TTC21B: variants seen among roughly 807,000 people sequenced by gnomAD.
TTC21B encodes the protein tetratricopeptide repeat domain 21B.
In TTC21B, 127 loss-of-function variants were observed where a neutral mutation model predicts 175.1. The observed-to-expected ratio is 0.73, with a 90% CI of 0.63 to 0.84. The LOEUF is 0.84. Among genes scored for constraint, TTC21B ranks in the 40% least tolerant of loss-of-function variants. The pLI is 0.00. For missense variants in TTC21B, 1,561 were observed against 1,558.3 expected, an observed-to-expected ratio of 1.00 and a Z score of -0.03; for synonymous variants, 524 against 524.5, an observed-to-expected ratio of 1.00 and a Z score of 0.01.
At chr2:165,886,068 T>C (rs557490775) in intron 25 of TTC21B, among the ~76,000 whole-genome samples, 119 of 152,322 alleles carry the variant, frequency 7.8e-4, no homozygotes, top group Non-Finnish European at 1.3e-3. Flanking sequence ...TCCCTCTGAA[T>C]GACAAATAGG....
chr2:165,952,257 AT>A (rs141518686), intron 1 of TTC21B, among the ~76,000 whole-genome samples: 23,889 of 152,206 alleles, frequency 0.16, 2,249 homozygotes, highest in East Asian at 0.27. Flanking sequence ...AAAAAGAAAT[AT>A]TTCATAACAT....
intron 22 of TTC21B, among the ~76,000 whole-genome samples, chr2:165,895,411 A>G (rs1265249752): frequency 6.6e-6 from 1 of 152,192 alleles, no homozygotes; most frequent in East Asian, 1.9e-4. Flanking sequence ...ATCTTAGAAA[A>G]CTATAATGTG....
intron 7 of TTC21B, among the ~76,000 whole-genome samples, chr2:165,932,067 GTTTC>G (rs1465651202): frequency 7.2e-5 from 11 of 152,172 alleles, no homozygotes; most frequent in South Asian, 6.2e-4. Flanking sequence ...TTTAGAATGT[GTTTC>G]TTTAATACTT....
chr2:165,900,896 TTTC>T (rs1685537242), intron 20 of TTC21B, among the ~76,000 whole-genome samples: 1 of 150,792 alleles, frequency 6.6e-6, no homozygotes, highest in Admixed American at 6.6e-5. Flanking sequence ...AATGTTCTTT[TTTC>T]TTTTCTTTTT....
intron 6 of TTC21B, among the ~76,000 whole-genome samples, chr2:165,940,384 C>T: frequency 6.6e-6 from 1 of 152,120 alleles, no homozygotes; most frequent in East Asian, 1.9e-4. Context: ...AGAAGAAAAC[C>T]CCAAATCCTT....
chr2:165,896,734 G>C (rs1013288744), intron 22 of TTC21B, among the ~76,000 whole-genome samples: 1 of 152,176 alleles, frequency 6.6e-6, no homozygotes, highest in Non-Finnish European at 1.5e-5. Flanking sequence ...GGCTGTAATT[G>C]GCTTGGGCTT....
chr2:165,927,615 T>C (rs1686727519), intron 11 of TTC21B, among the ~76,000 whole-genome samples: 1 of 151,430 alleles, frequency 6.6e-6, no homozygotes, highest in Non-Finnish European at 1.5e-5. Flanking sequence ...GAGTGCTAGG[T>C]ACTCTATAAA....
intron 22 of TTC21B, among the ~76,000 whole-genome samples, chr2:165,895,972 G>C (rs1389597226): frequency 6.6e-6 from 1 of 151,974 alleles, no homozygotes; most frequent in Non-Finnish European, 1.5e-5. Context: ...TTTTGTGCTC[G>C]CTGGGGATAT....
At chr2:165,883,726 A>G in intron 26 of TTC21B, 68 bp downstream of exon 26, 1 of 1,262,542 alleles carries the variant, frequency 7.9e-7, no homozygotes. Context: ...ACTAACACTC[A>G]ACAATATCTA....
chr2:165,922,174 G>A (rs1324378628), intron 12 of TTC21B, among the ~76,000 whole-genome samples: 1 of 152,060 alleles, frequency 6.6e-6, no homozygotes, highest in Admixed American at 6.5e-5. Context: ...TAATTATTTA[G>A]TAGGCGATAC....
chr2:165,887,662 G>A (rs938785260), intron 25 of TTC21B, among the ~76,000 whole-genome samples: 1 of 151,948 alleles, frequency 6.6e-6, no homozygotes, highest in Admixed American at 6.6e-5. Context: ...ACTCCAGCCT[G>A]GGCGACAAGA....
chr2:165,908,299 C>T (rs938879278), intron 18 of TTC21B, among the ~76,000 whole-genome samples: 1 of 152,140 alleles, frequency 6.6e-6, no homozygotes, highest in African/African-American at 2.4e-5. Context: ...AACCATTCTG[C>T]AGTTCCCTCT....
intron 27 of TTC21B, among the ~76,000 whole-genome samples, chr2:165,878,454 T>G (rs1183209244): frequency 6.6e-6 from 1 of 152,142 alleles, no homozygotes; most frequent in Non-Finnish European, 1.5e-5. Flanking sequence ...TCTCATTGGA[T>G]CTCAGTTGTT....
chr2:165,901,659 C>T, intron 20 of TTC21B, 63 bp downstream of exon 20: 1 of 1,502,114 alleles, frequency 6.7e-7, no homozygotes, highest in African/African-American at 1.4e-5. Flanking sequence ...AAAAATTTTA[C>T]ATCTGAGGAA....
intron 3 of TTC21B, chr2:165,948,012 C>T (rs1369400495): frequency 1.3e-5 from 2 of 152,136 alleles, no homozygotes; most frequent in Non-Finnish European, 2.9e-5. Context: ...CTACAGCTCT[C>T]CCATGAAAAT....
chr2:165,938,042 C>G (rs969888087), intron 6 of TTC21B, among the ~76,000 whole-genome samples: 1 of 151,968 alleles, frequency 6.6e-6, no homozygotes, highest in Non-Finnish European at 1.5e-5. Flanking sequence ...GTCAAAAGGA[C>G]TTAAGAACAA....
In TTC21B at chr2:165,943,289, G is replaced by A; in HGVS notation, c.482C>T (p.Thr161Ile). ...TTCAAAATACTTCAGTGCTTTTTTA[G>A]TGTAAGGCTCTTTTCCTCTTGTAAT... ...LDITRGKEPY[T>I]KKALKYFEEG... The change falls in exon 5 of 29, where the codon ACT (threonine) becomes ATT (isoleucine). Residue 161 changes from threonine to isoleucine, a missense_variant. By Grantham distance (89) the Thr-to-Ile change is moderately conservative. Coordinates refer to ENST00000243344, the MANE Select transcript of TTC21B (RefSeq NM_024753.5). 1.9e-6 allele frequency: 3 copies of A among 1,611,768 alleles called. No homozygotes were observed. The highest frequency in any genetic ancestry group is 2.5e-6 in the Non-Finnish European group (3 of 1,177,992).
At position 165,945,630 on chromosome 2, in the gene TTC21B, TC is replaced by T; in HGVS notation, c.322del (p.Glu108ArgfsTer27). 6.2e-7 allele frequency: 1 copy of T among 1,613,826 alleles called. No individual in the cohort carries two copies. The highest frequency in any genetic ancestry group is 1.1e-5 in the South Asian group (1 of 91,076). ...RVKEQRKGAG[E>X]KALYHAGLFL... is the part of the protein sequence containing the mutation. ...TAAGCCTGCATGGTATAAGGCTTTCTCTCCAGCTCCTTTACGTTGTTCCTTC... is the reference window on the plus strand; with the variant it reads ...TAAGCCTGCATGGTATAAGGCTTTCTTCCAGCTCCTTTACGTTGTTCCTTC... On this transcript the variant is annotated frameshift_variant, in exon 4 of 29. Transcript: ENST00000243344. LOFTEE classifies it high-confidence loss of function.
chr2:165,900,008 C>CAAAAAAAAAAAAA (rs200057550), intron 20 of TTC21B, 128 bp from the exon 21 acceptor site: 1 of 133,064 alleles, frequency 7.5e-6, no homozygotes, highest in African/African-American at 4.7e-5. Context: ...GTATAATAGA[C>CAAAAAAAAAAAAA]AAAAAAAAAA....
Sources: allele counts gnomAD v4.1 joint callset (sites outside exome capture counted in the v4.1 genomes callset), GRCh38; gene constraint gnomAD v4.1.1; transcripts MANE v1.5; gene names NCBI Gene and HGNC (gene_info 2026-07-23, HGNC 2026-07-21).